Variants in TRNT1 observed in about 807,000 individuals in gnomAD.
The protein encoded by TRNT1 is CCA tRNA nucleotidyltransferase 1, mitochondrial.
TRNT1 carries 44 observed loss-of-function variants against 45.6 expected under a neutral mutation model. The observed-to-expected ratio is 0.97, with a 90% CI of 0.76 to 1.24. The LOEUF is 1.24. Among genes scored for constraint, TRNT1 ranks in the 50% most tolerant of loss-of-function variants. The pLI is 0.00. For synonymous variants in TRNT1, 201 were observed against 171.4 expected, an observed-to-expected ratio of 1.17 and a Z score of -1.35; for missense variants, 633 against 504.4, an observed-to-expected ratio of 1.25 and a Z score of -2.44.
chr3:3,134,323 T>C (rs1705190021), intron 2 of TRNT1, among the ~76,000 whole-genome samples: 2 of 152,326 alleles, frequency 1.3e-5, no homozygotes, highest in Non-Finnish European at 2.9e-5. Flanking sequence ...TTATGACTGC[T>C]CTTTCATATA....
At chr3:3,147,867 C>T in intron 7 of TRNT1, 39 bp from the exon 8 acceptor site, 5 of 1,584,468 alleles carry the variant, frequency 3.2e-6, no homozygotes, top group Non-Finnish European at 4.3e-6. Context: ...TGTATGTTTT[C>T]ATGTGTGACG....
At chr3:3,151,492 G>GT (rs1559239158), downstream of TRNT1, among the ~76,000 whole-genome samples, 1 of 152,070 alleles carries the variant, frequency 6.6e-6, no homozygotes. Context: ...GTCTCAAAAA[G>GT]TAAATATTTA....
chr3:3,139,731 C>G (rs1371397447), intron 3 of TRNT1, among the ~76,000 whole-genome samples: 1 of 152,054 alleles, frequency 6.6e-6, no homozygotes, highest in African/African-American at 2.4e-5. Flanking sequence ...ATTTTAATTT[C>G]TTTCTTTCTC....
Position 3,129,122 on chromosome 3 carries a change from T to C in TRNT1, c.82T>C (p.Phe28Leu). 1 of 1,614,026 alleles carries C rather than the reference T, an allele frequency of 6.2e-7. No homozygotes were observed. The highest frequency in any genetic ancestry group is 8.5e-7 in the Non-Finnish European group (1 of 1,179,878). Residue 28 changes from phenylalanine (F) to leucine (L), a missense_variant, in exon 2 of 8, where the codon TTC becomes CTC. Physicochemically the swap from Phe to Leu is conservative, Grantham distance 22. Coordinates refer to ENST00000251607, the MANE Select transcript of TRNT1 (RefSeq NM_182916.3). ...GCTGTGCCTTCCGAAGCAGTATCTA[T>C]TCACAATGAAGTTGCAGTCTCCCGA... ...SRLCLPKQYL[F>L]TMKLQSPEFQ... is the part of the protein sequence containing the mutation.
chr3:3,143,831 C>T (rs1192971756), intron 4 of TRNT1, among the ~76,000 whole-genome samples: 1 of 152,186 alleles, frequency 6.6e-6, no homozygotes, highest in African/African-American at 2.4e-5. Context: ...GCACTCCAAC[C>T]AGGGTGACAA....
chr3:3,130,057 T>C (rs1704911668), intron 2 of TRNT1: 3 of 1,208,374 alleles, frequency 2.5e-6, no homozygotes, highest in Non-Finnish European at 3.5e-6. Context: ...TTGCCACAGT[T>C]TCATTAGTGT....
chr3:3,129,435 T>C (rs1041491290), intron 2 of TRNT1: 4 of 444,350 alleles, frequency 9.0e-6, no homozygotes, highest in Admixed American at 3.6e-5. Context: ...GTTTTCATTG[T>C]TGGAAGAAAG....
rs1706211765 is a variant in TRNT1 at position 3,148,413 on chromosome 3, T to C, written c.*259T>C. On this transcript the variant is annotated 3_prime_UTR_variant, in exon 8 of 8. Coordinates refer to ENST00000251607, the MANE Select transcript of TRNT1 (RefSeq NM_182916.3). ...AGAAAACATAGTTGGCTATTATCTA[T>C]CTTAACCTGTTCAGGCTTTTAAAAA... The C allele has an allele frequency of 3.0e-6, 1 of 337,066 alleles. No individual in the cohort carries two copies. Among genetic ancestry groups the C allele is most frequent in the Non-Finnish European group, 5.4e-6 (1 of 184,258 alleles). The allele number at this position is 337,066 out of a possible 1,614,324, so 20.9% of individuals were successfully genotyped here.
rs1064796127 is a variant in TRNT1 at position 3,128,995 on chromosome 3, CTGTG to C, written c.-27-17_-27-14del. ...TTCACTTTTAATTTCATTGGTATGC[CTGTG>C]TATTTGCCTTGTAGATGTGTAGTTG... On this transcript the variant is annotated splice_polypyrimidine_tract_variant and intron_variant, in intron 1 of 7. Coordinates refer to ENST00000251607, the MANE Select transcript of TRNT1 (RefSeq NM_182916.3). 1 of 1,525,738 alleles carries C rather than the reference CTGTG, an allele frequency of 6.6e-7. No homozygotes were observed. Among genetic ancestry groups the C allele is most frequent in the Non-Finnish European group, 8.9e-7 (1 of 1,126,952 alleles). 94.5% of individuals were successfully genotyped at this position (1,525,738 alleles called of 1,614,324 possible).
At chr3:3,144,787 A>C (rs899918592) in intron 5 of TRNT1, 77 bp downstream of exon 5, 1 of 1,354,010 alleles carries the variant, frequency 7.4e-7, no homozygotes, top group Non-Finnish European at 9.8e-7. Flanking sequence ...CGAAACCCAC[A>C]GCAGGTCAGT....
In TRNT1 at chr3:3,129,066, A is replaced by G; in HGVS notation, c.26A>G (p.His9Arg). 1 of 1,612,394 alleles carries G rather than the reference A, an allele frequency of 6.2e-7. No individual in the cohort carries two copies. Among genetic ancestry groups the G allele is most frequent in the Non-Finnish European group, 8.5e-7 (1 of 1,179,116 alleles). The change falls in exon 2 of 8, where the codon CAC (histidine) becomes CGC (arginine). Residue 9 changes from histidine (H) to arginine (R), a missense_variant. By Grantham distance (29) the His-to-Arg change is conservative. Transcript: ENST00000251607. MLRCLYHW[H>R]RPVLNRRWSR... ...ATGCTGAGGTGCCTGTATCATTGGC[A>G]CAGGCCAGTGCTGAACCGTAGGTGG...
chr3:3,147,850 T>C, intron 7 of TRNT1, 56 bp from the exon 8 acceptor site: 1 of 1,561,168 alleles, frequency 6.4e-7, no homozygotes, highest in African/African-American at 1.4e-5. Flanking sequence ...TAGGATAAGA[T>C]TGTAAGTGTA....
intron 2 of TRNT1, chr3:3,136,817 G>A (rs1389461180): frequency 9.1e-6 from 3 of 330,574 alleles, no homozygotes; most frequent in Non-Finnish European, 1.8e-5. Context: ...ACTGAACCTG[G>A]CTATTTTTAT....
chr3:3,139,115 A>C (rs1705492603), intron 3 of TRNT1, among the ~76,000 whole-genome samples: 1 of 152,202 alleles, frequency 6.6e-6, no homozygotes, highest in Non-Finnish European at 1.5e-5. Context: ...ATGATGCTTC[A>C]TTCCCATGAG....
At chr3:3,133,239 CAT>C (rs1212016910) in intron 2 of TRNT1, among the ~76,000 whole-genome samples, 1 of 152,086 alleles carries the variant, frequency 6.6e-6, no homozygotes, top group Non-Finnish European at 1.5e-5. Context: ...TCAGTACAAT[CAT>C]ATGCTAGTGG....
intron 2 of TRNT1, chr3:3,129,852 G>T: frequency 1.3e-6 from 2 of 1,550,058 alleles, no homozygotes; most frequent in South Asian, 1.2e-5. Flanking sequence ...AGAGAGCTAG[G>T]TTTCGAACTT....
At chr3:3,151,216 T>A (rs1237917329), downstream of TRNT1, among the ~76,000 whole-genome samples, 1 of 152,206 alleles carries the variant, frequency 6.6e-6, no homozygotes, top group East Asian at 1.9e-4. Context: ...CTAAAAACAT[T>A]TTCTAATTTT....
At chr3:3,152,600 A>C, downstream of TRNT1, 1 of 1,614,060 alleles carries the variant, frequency 6.2e-7, no homozygotes, top group Non-Finnish European at 8.5e-7. Flanking sequence ...AAAACAAAGA[A>C]TCAACATGGA....
intron 5 of TRNT1, 67 bp downstream of exon 5, chr3:3,144,777 C>T (rs1463465165): frequency 5.0e-6 from 7 of 1,388,998 alleles, no homozygotes; most frequent in African/African-American, 1.5e-5. Context: ...AGTGGTCATA[C>T]GAAACCCACA....
Sources: gnomAD v4.1 joint callset for allele counts (sites outside exome capture counted in the v4.1 genomes callset) on GRCh38, gnomAD v4.1.1 for gene constraint, MANE v1.5 for transcripts, NCBI Gene and HGNC (gene_info 2026-07-23, HGNC 2026-07-21) for gene names.